Variants in KCNQ1 observed in about 807,000 individuals in gnomAD.
The protein encoded by KCNQ1 is potassium voltage-gated channel subfamily KQT member 1.
KCNQ1 carries 49 observed loss-of-function variants against 72.4 expected under a neutral mutation model. The ratio of observed to expected loss-of-function variants is 0.68; its 90% CI spans 0.54 to 0.86. The LOEUF (loss-of-function observed/expected upper bound fraction) is 0.86. Among genes scored for constraint, KCNQ1 ranks in the 40% least tolerant of loss-of-function variants. The pLI is 0.00. For synonymous variants in KCNQ1, 450 were observed against 412.6 expected (o/e 1.09, Z -1.10); for missense variants, 790 against 945.1 (o/e 0.84, Z 2.15).
At position 2,626,263 on chromosome 11, in the gene KCNQ1, A is replaced by G. The variant is rs929480732; in HGVS notation, c.1394-35698A>G. ...AAGGGTCTCAACTTCATTCTCTTTT[A>G]TACATGGTTAGGTAAGGATCTCAAC... is the stretch of plus-strand genomic sequence containing the variant. On this transcript the variant is annotated intron_variant, in intron 10 of 15. Coordinates refer to ENST00000155840, the MANE Select transcript of KCNQ1 (RefSeq NM_000218.3). The surrounding 1 kb of genome is among the most constrained non-coding windows in gnomAD (Gnocchi z 4.0). The G allele has an allele frequency of 1.1e-4, 43 of 398,262 alleles. No individual in the cohort carries two copies. Among genetic ancestry groups the G allele is most frequent in the Non-Finnish European group, 8.4e-5 (19 of 226,034 alleles). 24.7% of individuals were successfully genotyped at this position (398,262 alleles called of 1,614,324 possible). A position where few individuals can be genotyped will look rare whatever the true frequency, so the allele number is the denominator to read the frequency against.
In KCNQ1 at chr11:2,670,013, G is replaced by A. The variant is rs1314535711; in HGVS notation, c.1514+7932G>A. The A allele has an allele frequency of 2.5e-6, 1 of 398,536 alleles. No homozygotes were observed. The highest frequency in any genetic ancestry group is 4.4e-6 in the Non-Finnish European group (1 of 226,130). The allele number at this position is 398,536 out of a possible 1,614,324, so 24.7% of individuals were successfully genotyped here. On this transcript the variant is annotated intron_variant, in intron 11 of 15. Transcript: ENST00000155840. This position sits in a 1 kb window ranked among gnomAD's most constrained non-coding sequence, Gnocchi z 4.9. ...TCGGAATGGGGTTCAGGAGCTGTTG[G>A]GGTCCCGTGGAGGTACAGGCGGAAA...
intron 6 of KCNQ1, 72 bp downstream of exon 6, chr11:2,573,058 T>C: frequency 6.4e-7 from 1 of 1,550,438 alleles, no homozygotes; most frequent in East Asian, 2.3e-5. Context: ...ATCTGGGCAC[T>C]GGTGTCTTGA....
intron 10 of KCNQ1, chr11:2,655,846 T>C: frequency 7.5e-6 from 3 of 398,648 alleles, no homozygotes; most frequent in Admixed American, 4.4e-5. Flanking sequence ...CCTCTCCTCT[T>C]GAATTGGAAA....
chr11:2,691,833 A>C lies in KCNQ1; in HGVS notation c.1514+29752A>C, dbSNP rs1035828441. On this transcript the variant is annotated intron_variant, in intron 11 of 15. Coordinates refer to ENST00000155840, the MANE Select transcript of KCNQ1 (RefSeq NM_000218.3). The surrounding 1 kb of genome is among the most constrained non-coding windows in gnomAD (Gnocchi z 6.4). ...CACTGGATCCAATGTGACCTCTGCC[A>C]GGACCATGACCCCTAGGTCCTCTTT... 7.5e-6 allele frequency: 3 copies of C among 398,566 alleles called. No homozygotes were observed. Among genetic ancestry groups the C allele is most frequent in the Non-Finnish European group, 1.3e-5 (3 of 226,124 alleles). The allele number at this position is 398,566 out of a possible 1,614,324, so 24.7% of individuals were successfully genotyped here.
intron 11 of KCNQ1, chr11:2,685,122 G>T: frequency 2.5e-6 from 1 of 398,630 alleles, no homozygotes; most frequent in Admixed American, 4.4e-5. Flanking sequence ...GGGGTCTGAT[G>T]GTCAGAGCTA....
chr11:2,663,251 G>T lies in KCNQ1; in HGVS notation c.1514+1170G>T, dbSNP rs989614041. ...GCCAGCAGATCACTGGAAAGCAGGG[G>T]TGACTAGTCATGGACACCCTGAGAA... is the stretch of plus-strand genomic sequence containing the variant. On this transcript the variant is annotated intron_variant, in intron 11 of 15. Transcript: ENST00000155840. The surrounding 1 kb of genome is among the most constrained non-coding windows in gnomAD (Gnocchi z 5.2). 9 of 398,626 alleles carry T rather than the reference G, an allele frequency of 2.3e-5. No individual in the cohort carries two copies. The highest frequency in any genetic ancestry group is 1.4e-4 in the African/African-American group (7 of 48,634). 24.7% of individuals were successfully genotyped at this position (398,626 alleles called of 1,614,324 possible). A position where few individuals can be genotyped will look rare whatever the true frequency, so the allele number is the denominator to read the frequency against.
At chr11:2,649,003 T>C (rs1590004472) in intron 10 of KCNQ1, 1 of 344,424 alleles carries the variant, frequency 2.9e-6, no homozygotes, top group Admixed American at 5.7e-5. Context: ...TTTTTTTTTT[T>C]TGACTCAGTA....
At chr11:2,697,477 A>G in intron 11 of KCNQ1, 1 of 398,606 alleles carries the variant, frequency 2.5e-6, no homozygotes, top group Non-Finnish European at 4.4e-6. Flanking sequence ...TATCAAGTTT[A>G]CTGAAAAGTT....
chr11:2,608,409 C>T lies in KCNQ1; in HGVS notation c.1393+19555C>T, dbSNP rs186645006. On this transcript the variant is annotated intron_variant, in intron 10 of 15. Coordinates refer to ENST00000155840, the MANE Select transcript of KCNQ1 (RefSeq NM_000218.3). This position sits in a 1 kb window ranked among gnomAD's most constrained non-coding sequence, Gnocchi z 4.6. ...TATAATTTATTGGCACAAAATTGTT[C>T]ATAGTGTTCCTTCATAATCCTTTTT... 1.0e-5 allele frequency: 4 copies of T among 398,522 alleles called. No homozygotes were observed. The highest frequency in any genetic ancestry group is 6.2e-5 in the African/African-American group (3 of 48,722). The allele number at this position is 398,522 out of a possible 1,614,324, so 24.7% of individuals were successfully genotyped here. A position where few individuals can be genotyped will look rare whatever the true frequency, so the allele number is the denominator to read the frequency against.
chr11:2,647,474 G>A lies in KCNQ1; in HGVS notation c.1394-14487G>A, dbSNP rs150984781. ...TAGTTTTCTTTTTTGCTGTTATTGT[G>A]TCCTTATCTGGTTTTGGTATCAAGA... On this transcript the variant is annotated intron_variant, in intron 10 of 15. Transcript: ENST00000155840. This position sits in a 1 kb window ranked among gnomAD's most constrained non-coding sequence, Gnocchi z 4.0. 7.5e-6 allele frequency: 3 copies of A among 398,500 alleles called. No homozygotes were observed. The highest frequency in any genetic ancestry group is 6.2e-5 in the African/African-American group (3 of 48,744). 24.7% of individuals were successfully genotyped at this position (398,500 alleles called of 1,614,324 possible). A position where few individuals can be genotyped will look rare whatever the true frequency, so the allele number is the denominator to read the frequency against.
Position 2,445,493 on chromosome 11 carries a change from C to A in KCNQ1, c.386+9C>A, listed in dbSNP as rs766453921. 7.5e-6 allele frequency: 12 copies of A among 1,591,956 alleles called. No homozygotes were observed. In the East Asian group the frequency reaches 2.5e-4, roughly 33 times the overall value. ...GTTTACCACTTCGCCGTGTGAGTAT[C>A]GCCACCGGCGACGGCCGGCACGAAG... On this transcript the variant is annotated intron_variant, in intron 1 of 15. Coordinates refer to ENST00000155840, the MANE Select transcript of KCNQ1 (RefSeq NM_000218.3).
intron 10 of KCNQ1, chr11:2,641,735 A>G: frequency 2.5e-6 from 1 of 398,340 alleles, no homozygotes; most frequent in Non-Finnish European, 4.4e-6. Context: ...GTGTTTCCCC[A>G]ATGTCTCCTT....
At chr11:2,756,180 C>T (rs1055145408) in intron 11 of KCNQ1, among the ~76,000 whole-genome samples, 2 of 152,140 alleles carry the variant, frequency 1.3e-5, no homozygotes, top group East Asian at 1.9e-4. Context: ...GGGCATACAC[C>T]AAAAGGGAAC....
At chr11:2,733,833 C>G (rs1845901764) in intron 11 of KCNQ1, among the ~76,000 whole-genome samples, 1 of 37,174 alleles carries the variant, frequency 2.7e-5, no homozygotes, top group South Asian at 7.7e-4. Context: ...CTCTCTCTCT[C>G]TCTCTCTCTC....
Position 2,509,546 on chromosome 11 carries a change from C to T in KCNQ1, c.387-18382C>T, listed in dbSNP as rs1235518935. Among the ~76,000 whole-genome samples the T allele has an allele frequency of 6.6e-6, 1 of 152,184 alleles. No individual in the cohort carries two copies. The highest frequency in any genetic ancestry group is 1.5e-5 in the Non-Finnish European group (1 of 68,022). ...TGCTCAGAGGATGAGCCCAGCTATT[C>T]TGGGAAGCAGGCAGGAAGTGGCAGC... On this transcript the variant is annotated intron_variant, in intron 1 of 15. Coordinates refer to ENST00000155840, the MANE Select transcript of KCNQ1 (RefSeq NM_000218.3). The surrounding 1 kb of genome is among the most constrained non-coding windows in gnomAD (Gnocchi z 6.3).
chr11:2,806,841 G>A (rs774301293), intron 15 of KCNQ1, among the ~76,000 whole-genome samples: 23 of 152,196 alleles, frequency 1.5e-4, no homozygotes, highest in Non-Finnish European at 2.9e-4. Context: ...GTAAAAGCCT[G>A]GCTTGCGTGC....
chr11:2,662,232 A>G, intron 11 of KCNQ1, 151 bp downstream of exon 11: 1 of 982,330 alleles, frequency 1.0e-6, no homozygotes, highest in South Asian at 1.5e-5. Context: ...CCCAACACGG[A>G]GGCACCAGGC....
chr11:2,466,916 T>TG (rs1043165920), intron 1 of KCNQ1, among the ~76,000 whole-genome samples: 9 of 152,220 alleles, frequency 5.9e-5, no homozygotes, highest in Admixed American at 2.6e-4. Context: ...CCTCCTGCTC[T>TG]GAGGGCCAGC....
intron 15 of KCNQ1, among the ~76,000 whole-genome samples, chr11:2,835,305 CTG>C (rs1335044893): frequency 6.6e-6 from 1 of 152,176 alleles, no homozygotes; most frequent in Admixed American, 6.5e-5. Flanking sequence ...CCCCAAGTCT[CTG>C]CCACCTCCCT....
Sources: gnomAD v4.1 joint callset for allele counts (sites outside exome capture counted in the v4.1 genomes callset) on GRCh38, gnomAD v4.1.1 for gene constraint, Gnocchi (gnomAD v3.1) non-coding constraint, MANE v1.5 for transcripts, NCBI Gene and HGNC (gene_info 2026-07-23, HGNC 2026-07-21) for gene names.